Variants in AGBL4 observed in about 807,000 individuals in gnomAD.
AGBL4 encodes the protein cytosolic carboxypeptidase 6.
AGBL4 carries 58 observed loss-of-function variants against 66.4 expected under a neutral mutation model. The observed-to-expected ratio is 0.87, with a 90% CI of 0.71 to 1.09. AGBL4 has a LOEUF of 1.09. AGBL4 is among the 50% of genes least tolerant of loss of function. The pLI, the probability that AGBL4 is intolerant of heterozygous loss-of-function variation, is 0.00. For synonymous variants in AGBL4, 234 were observed against 222.9 expected (o/e 1.05, Z -0.44); for missense variants, 579 against 631.0 (o/e 0.92, Z 0.88).
chr1:49,510,707 A>G (rs949116336), intron 3 of AGBL4, among the ~76,000 whole-genome samples: 30 of 151,804 alleles, frequency 2.0e-4, no homozygotes, highest in Admixed American at 1.9e-3. Flanking sequence ...TAGGGTTTTT[A>G]TGGTTTTAGG....
intron 6 of AGBL4, among the ~76,000 whole-genome samples, chr1:48,723,381 T>C (rs988871740): frequency 2.0e-5 from 3 of 152,188 alleles, no homozygotes; most frequent in Admixed American, 2.0e-4. Context: ...TGGAATGGCA[T>C]TTGCTTATAA....
chr1:49,824,957 T>C (rs998678166), intron 2 of AGBL4, among the ~76,000 whole-genome samples: 1 of 152,206 alleles, frequency 6.6e-6, no homozygotes, highest in Admixed American at 6.5e-5. Flanking sequence ...TTTGCCTCTA[T>C]TGATTTTGAC....
intron 4 of AGBL4, among the ~76,000 whole-genome samples, chr1:49,153,333 G>T (rs1475216963): frequency 6.6e-6 from 1 of 152,022 alleles, no homozygotes; most frequent in Non-Finnish European, 1.5e-5. Flanking sequence ...AACTAGTGCT[G>T]CATAAAGAAT....
intron 2 of AGBL4, among the ~76,000 whole-genome samples, chr1:49,730,892 T>C (rs1422252103): frequency 6.6e-6 from 1 of 152,188 alleles, no homozygotes; most frequent in African/African-American, 2.4e-5. Context: ...ACAGAATTAA[T>C]AATATTTATT....
chr1:49,845,433 A>G, intron 2 of AGBL4: 2 of 1,447,420 alleles, frequency 1.4e-6, no homozygotes, highest in South Asian at 1.1e-5. Context: ...AGTGTGGGAA[A>G]GCCTTCCAGC....
chr1:49,360,561 A>T (rs1183850321), intron 3 of AGBL4, among the ~76,000 whole-genome samples: 1 of 152,218 alleles, frequency 6.6e-6, no homozygotes, highest in Non-Finnish European at 1.5e-5. Flanking sequence ...ACAGTTTTCT[A>T]AAAGGCAGCA....
intron 6 of AGBL4, among the ~76,000 whole-genome samples, chr1:48,701,292 C>T (rs1216738028): frequency 2.0e-5 from 3 of 152,186 alleles, no homozygotes; most frequent in African/African-American, 4.8e-5. Flanking sequence ...AGGAGAACAC[C>T]CACCCTGTGG....
At chr1:49,407,258 A>T (rs1429901382) in intron 3 of AGBL4, among the ~76,000 whole-genome samples, 1 of 152,218 alleles carries the variant, frequency 6.6e-6, no homozygotes, top group Non-Finnish European at 1.5e-5. Context: ...AGGCCTGCAT[A>T]GAAAAACAAA....
intron 1 of AGBL4, among the ~76,000 whole-genome samples, chr1:49,948,198 A>G (rs1458364027): frequency 1.0e-5 from 1 of 96,364 alleles, no homozygotes; most frequent in Non-Finnish European, 1.8e-5. Context: ...AAATATATAT[A>G]AATATAAATA....
At chr1:48,898,088 G>C (rs928127436) in intron 5 of AGBL4, among the ~76,000 whole-genome samples, 1 of 152,034 alleles carries the variant, frequency 6.6e-6, no homozygotes, top group African/African-American at 2.4e-5. Context: ...TGGGATTATA[G>C]GTGTGAGCCA....
chr1:48,841,730 G>A (rs1384653346), intron 6 of AGBL4, among the ~76,000 whole-genome samples: 2 of 151,988 alleles, frequency 1.3e-5, no homozygotes, highest in African/African-American at 4.8e-5. Context: ...TATGGTTTTC[G>A]ATGGATCCTT....
chr1:49,677,177 G>T (rs1646596845), intron 3 of AGBL4, among the ~76,000 whole-genome samples: 1 of 151,736 alleles, frequency 6.6e-6, no homozygotes, highest in African/African-American at 2.4e-5. Flanking sequence ...TCTCTCTCTT[G>T]CAACTAACCT....
At chr1:49,231,699 C>T (rs948296082) in intron 4 of AGBL4, among the ~76,000 whole-genome samples, 2 of 152,118 alleles carry the variant, frequency 1.3e-5, no homozygotes, top group Non-Finnish European at 2.9e-5. Context: ...ACACATATAC[C>T]ATACACAGAA....
intron 6 of AGBL4, among the ~76,000 whole-genome samples, chr1:48,711,267 G>A: frequency 6.6e-6 from 1 of 152,182 alleles, no homozygotes; most frequent in Admixed American, 6.5e-5. Context: ...AGAGATGCTG[G>A]AAAATGCTAC....
chr1:48,692,555 A>G (rs1188939884), intron 6 of AGBL4, among the ~76,000 whole-genome samples: 1 of 152,218 alleles, frequency 6.6e-6, no homozygotes, highest in East Asian at 1.9e-4. Context: ...TTGCAAACAC[A>G]ACTAGGACCC....
In AGBL4 at chr1:48,663,245, T is replaced by C; in HGVS notation, c.635-4A>G. On this transcript the variant is annotated splice_polypyrimidine_tract_variant and splice_region_variant and intron_variant, in intron 6 of 13. Transcript: ENST00000371839. The stretch of plus-strand genomic sequence containing the variant: ...TCTGCCCCTTCCCGGAGATTGTCTG[T>C]AAGATAAAATGAAAGATGGTTGCTA... 1.9e-6 allele frequency: 3 copies of C among 1,613,810 alleles called. No individual in the cohort carries two copies. Among genetic ancestry groups the C allele is most frequent in the Non-Finnish European group, 2.5e-6 (3 of 1,179,796 alleles).
chr1:49,719,947 T>A (rs910027794), intron 2 of AGBL4, among the ~76,000 whole-genome samples: 3 of 152,072 alleles, frequency 2.0e-5, no homozygotes, highest in Admixed American at 2.0e-4. Context: ...TCGAGGCCTC[T>A]CCAGCCATGG....
At chr1:49,329,301 C>T (rs897169861) in intron 3 of AGBL4, among the ~76,000 whole-genome samples, 10 of 151,940 alleles carry the variant, frequency 6.6e-5, no homozygotes, top group African/African-American at 1.2e-4. Context: ...AGGGAGATTC[C>T]GTCTCAAAAC....
At position 49,870,574 on chromosome 1, in the gene AGBL4, T is replaced by C. The variant is rs937688229; in HGVS notation, c.35-19056A>G. On this transcript the variant is annotated intron_variant, in intron 1 of 13. Transcript: ENST00000371839. ...CCCCCATAAATATATATATCTACAATGTACCCTTAAAAATTAAAAATTAAA... is the reference window on the plus strand; with the variant it reads ...CCCCCATAAATATATATATCTACAACGTACCCTTAAAAATTAAAAATTAAA... Among the ~76,000 whole-genome samples, 3 of 151,026 alleles carry C rather than the reference T, an allele frequency of 2.0e-5. 1 individual carries two copies. In the Admixed American group the frequency reaches 2.0e-4, roughly 10 times the overall value.
Sources: gnomAD v4.1 joint callset for allele counts (sites outside exome capture counted in the v4.1 genomes callset) on GRCh38, gnomAD v4.1.1 for gene constraint, MANE v1.5 for transcripts, NCBI Gene and HGNC (gene_info 2026-07-23, HGNC 2026-07-21) for gene names.